The following ATP5MC2 variants were observed in gnomAD, a reference collection of about 807,000 sequenced individuals.
ATP5MC2 encodes the protein ATP synthase membrane subunit c locus 2, also known as ATP synthase F(0) complex subunit C2, mitochondrial.
ATP5MC2 carries 11 observed loss-of-function variants against 13.5 expected under a neutral mutation model. That is an observed-to-expected ratio of 0.81 (90% CI 0.51 to 1.35). The LOEUF (loss-of-function observed/expected upper bound fraction) is 1.35, where lower values mean the gene tolerates loss of function less well. Among genes scored for constraint, ATP5MC2 ranks in the 40% most tolerant of loss-of-function variants. The pLI is 0.00. For synonymous variants in ATP5MC2, 64 were observed against 69.7 expected (o/e 0.92, Z 0.41); for missense variants, 132 against 175.0 (o/e 0.75, Z 1.39).
chr12:53,675,324 C>T (rs1457957393), intron 1 of ATP5MC2, among the ~76,000 whole-genome samples: 1 of 152,184 alleles, frequency 6.6e-6, no homozygotes, highest in Non-Finnish European at 1.5e-5. Flanking sequence ...TGGCCTTACC[C>T]CACCTTTCTG....
At chr12:53,678,041 G>A (rs921788969), upstream of ATP5MC2, among the ~76,000 whole-genome samples, 16 of 152,212 alleles carry the variant, frequency 1.1e-4, no homozygotes, top group Non-Finnish European at 8.8e-5. Context: ...CAGAGAAGGG[G>A]CCTGGGAGGA....
intron 1 of ATP5MC2, chr12:53,673,189 C>T (rs565400980): frequency 4.8e-4 from 73 of 152,750 alleles, no homozygotes; most frequent in Middle Eastern, 3.4e-3. Context: ...TGTGGTAGCA[C>T]GCGCCTGTAA....
intron 2 of ATP5MC2, among the ~76,000 whole-genome samples, chr12:53,670,605 A>G (rs1377374500): frequency 1.3e-5 from 2 of 151,604 alleles, no homozygotes; most frequent in Non-Finnish European, 2.9e-5. Flanking sequence ...AATTCGAAGT[A>G]TGGTTTCTTT....
chr12:53,675,437 A>G (rs1348314343), intron 1 of ATP5MC2, among the ~76,000 whole-genome samples: 1 of 152,168 alleles, frequency 6.6e-6, no homozygotes, highest in Non-Finnish European at 1.5e-5. Context: ...GTAAATAACT[A>G]GTGATTCCAA....
chr12:53,678,925 G>A (rs576787316), upstream of ATP5MC2, among the ~76,000 whole-genome samples: 26 of 152,248 alleles, frequency 1.7e-4, no homozygotes, highest in South Asian at 6.2e-4. Flanking sequence ...ATTCTGACTG[G>A]TTGGCAGCCT....
At chr12:53,669,643 C>T (rs1945034344) in intron 3 of ATP5MC2, among the ~76,000 whole-genome samples, 1 of 152,182 alleles carries the variant, frequency 6.6e-6, no homozygotes, top group South Asian at 2.1e-4. Context: ...CAAGTAATAC[C>T]AGTTAGCAGC....
chr12:53,680,185 T>C (rs1351080619), upstream of ATP5MC2, among the ~76,000 whole-genome samples: 1 of 152,042 alleles, frequency 6.6e-6, no homozygotes, highest in Admixed American at 6.6e-5. Context: ...AGGGTTTCAC[T>C]ATGTTGCCCA....
upstream of ATP5MC2, chr12:53,676,367 C>T (rs117062244): frequency 3.4e-6 from 3 of 887,130 alleles, no homozygotes; most frequent in East Asian, 2.8e-5. Flanking sequence ...CTCGGACTTG[C>T]GTCCCCTTTC....
At chr12:53,680,911 TA>T (rs1386953367), upstream of ATP5MC2, among the ~76,000 whole-genome samples, 1 of 151,862 alleles carries the variant, frequency 6.6e-6, no homozygotes. Context: ...ACGCCCTAAT[TA>T]TTTTTGTGGG....
chr12:53,665,483 T>C, intron 4 of ATP5MC2, 55 bp from the exon 5 acceptor site: 1 of 1,383,922 alleles, frequency 7.2e-7, no homozygotes, highest in East Asian at 2.3e-5. Context: ...AAGAAAAGGA[T>C]AAATATCTAA....
chr12:53,680,100 C>T (rs953460751), upstream of ATP5MC2, among the ~76,000 whole-genome samples: 4 of 152,186 alleles, frequency 2.6e-5, no homozygotes, highest in African/African-American at 7.2e-5. Context: ...ATCCACCTGC[C>T]TCAGCCTCAC....
In ATP5MC2 at chr12:53,670,315, A is replaced by G. The variant is rs555775401; in HGVS notation, c.40-367T>C. 8 of 356,774 alleles carry G rather than the reference A, an allele frequency of 2.2e-5. No homozygotes were observed. In the East Asian group the frequency reaches 5.9e-4, roughly 26 times the overall value. The allele number at this position is 356,774 out of a possible 1,614,324, so 22.1% of individuals were successfully genotyped here. On this transcript the variant is annotated intron_variant, in intron 2 of 4. Transcript: ENST00000394349. Reference sequence around the variant, plus strand: ...ATATACAGATGCTCCTCAACTTACCATAGGGTTATGTGCCAATAAATCCAT... The same window carrying G: ...ATATACAGATGCTCCTCAACTTACCGTAGGGTTATGTGCCAATAAATCCAT...
intron 4 of ATP5MC2, among the ~76,000 whole-genome samples, chr12:53,667,716 C>T (rs1486208881): frequency 6.6e-6 from 1 of 151,590 alleles, no homozygotes; most frequent in Non-Finnish European, 1.5e-5. Context: ...AGGCTAGTCT[C>T]GAACTCCTGA....
chr12:53,665,622 G>GA (rs1339947529), intron 4 of ATP5MC2, among the ~76,000 whole-genome samples, 194 bp from the exon 5 acceptor site: 1 of 152,178 alleles, frequency 6.6e-6, no homozygotes, highest in African/African-American at 2.4e-5. Context: ...AATGAAGGGG[G>GA]AGCAGGCAAT....
chr12:53,675,468 T>C (rs1472459279), intron 1 of ATP5MC2, among the ~76,000 whole-genome samples: 1 of 152,234 alleles, frequency 6.6e-6, no homozygotes, highest in East Asian at 1.9e-4. Context: ...CTCTCTCTTC[T>C]GCCTTAGCTA....
At chr12:53,676,281 C>T, upstream of ATP5MC2, 3 of 1,294,666 alleles carry the variant, frequency 2.3e-6, no homozygotes, top group Non-Finnish European at 3.2e-6. Context: ...GCGCCGACTG[C>T]AGAAATGAGG....
intron 4 of ATP5MC2, among the ~76,000 whole-genome samples, chr12:53,667,707 G>T (rs1188339418): frequency 6.6e-6 from 1 of 151,734 alleles, no homozygotes; most frequent in Non-Finnish European, 1.5e-5. Context: ...ATGTTGGCCA[G>T]GCTAGTCTCG....
At chr12:53,679,244 A>G (rs1177600318), upstream of ATP5MC2, among the ~76,000 whole-genome samples, 1 of 83,116 alleles carries the variant, frequency 1.2e-5, no homozygotes, top group South Asian at 3.6e-4. Context: ...AAAACGAGAG[A>G]GAGAGAGAGA....
chr12:53,667,952 CACACATATATATATATAT>C (rs1178210956), intron 4 of ATP5MC2, among the ~76,000 whole-genome samples: 34 of 110,774 alleles, frequency 3.1e-4, no homozygotes, highest in African/African-American at 1.0e-3. Context: ...CATACATACA[CACACATATATATATATAT>C]ATATATATAT....
Sources: allele counts gnomAD v4.1 joint callset (sites outside exome capture counted in the v4.1 genomes callset), GRCh38; gene constraint gnomAD v4.1.1; transcripts MANE v1.5; gene names NCBI Gene and HGNC (gene_info 2026-07-23, HGNC 2026-07-21).